Variants in PCM1 observed in about 807,000 individuals in gnomAD.
The protein encoded by PCM1 is pericentriolar material 1.
PCM1 carries 157 observed loss-of-function variants against 241.9 expected under a neutral mutation model. The observed-to-expected ratio is 0.65, with a 90% CI of 0.57 to 0.74. The LOEUF is 0.74. PCM1 is among the 30% of genes least tolerant of loss of function. The pLI is 0.00. For missense variants in PCM1, 3,478 were observed against 2,360.1 expected, an observed-to-expected ratio of 1.47 and a Z score of -9.81; for synonymous variants, 1,085 against 784.9, an observed-to-expected ratio of 1.38 and a Z score of -6.39.
intron 23 of PCM1, among the ~76,000 whole-genome samples, chr8:17,977,231 G>T (rs2079087097): frequency 6.6e-6 from 1 of 151,744 alleles, no homozygotes; most frequent in Non-Finnish European, 1.5e-5. Context: ...TTTATTGCTG[G>T]TTTTATATTA....
intron 16 of PCM1, 163 bp downstream of exon 16, chr8:17,962,337 A>G (rs2072701099): frequency 2.8e-6 from 1 of 354,534 alleles, no homozygotes; most frequent in East Asian, 4.3e-5. Flanking sequence ...AATGTAATAG[A>G]TTATAATAAT....
At chr8:17,959,904 T>C in intron 13 of PCM1, 110 bp from the exon 14 acceptor site, 2 of 1,026,516 alleles carry the variant, frequency 1.9e-6, no homozygotes, top group Non-Finnish European at 2.8e-6. Context: ...CTTTCTTTAC[T>C]GCTTTAATCT....
At position 18,025,427 on chromosome 8, in the gene PCM1, C is replaced by G. The variant is rs768681019; in HGVS notation, c.5908C>G (p.Pro1970Ala). Residue 1970 changes from proline (P) to alanine (A), a missense_variant, in exon 37 of 39, where the codon CCA (proline) becomes GCA (alanine). Coordinates refer to ENST00000325083, the MANE Select transcript of PCM1 (RefSeq NM_006197.4). The part of the protein sequence containing the change: ...EEDFVKVEDL[P>A]LKLTIYSEAD... ...AGATTTTGTAAAAGTTGAAGATTTACCACTGAAACTGACAATATATTCAGA... is the reference window on the plus strand; with the variant it reads ...AGATTTTGTAAAAGTTGAAGATTTAGCACTGAAACTGACAATATATTCAGA... The G allele has an allele frequency of 6.3e-7, 1 of 1,598,524 alleles. No individual in the cohort carries two copies. Among genetic ancestry groups the G allele is most frequent in the Non-Finnish European group, 8.6e-7 (1 of 1,168,636 alleles).
intron 21 of PCM1, 112 bp downstream of exon 21, chr8:17,967,282 GT>G: frequency 1.5e-6 from 1 of 664,190 alleles, no homozygotes; most frequent in Non-Finnish European, 2.4e-6. Context: ...GGTAGGAAAT[GT>G]TTGCAAAGAA....
intron 6 of PCM1, among the ~76,000 whole-genome samples, chr8:17,941,961 C>T (rs1264949988): frequency 6.6e-6 from 1 of 152,084 alleles, no homozygotes; most frequent in African/African-American, 2.4e-5. Flanking sequence ...ATATAGTTGT[C>T]ATACTGTAAT....
At chr8:17,946,897 C>CT (rs1011261408) in intron 6 of PCM1, among the ~76,000 whole-genome samples, 1 of 148,140 alleles carries the variant, frequency 6.8e-6, no homozygotes, top group Non-Finnish European at 1.5e-5. Context: ...CCCTCTTGGC[C>CT]TTTTATGTTT....
At chr8:17,929,234 C>T (rs2058188116) in intron 2 of PCM1, among the ~76,000 whole-genome samples, 1 of 152,162 alleles carries the variant, frequency 6.6e-6, no homozygotes, top group Non-Finnish European at 1.5e-5. Context: ...TTTCTTATCA[C>T]ATTCTACTTG....
chr8:17,934,230 G>C (rs1366484966), intron 2 of PCM1, among the ~76,000 whole-genome samples: 1 of 151,074 alleles, frequency 6.6e-6, no homozygotes, highest in Non-Finnish European at 1.5e-5. Flanking sequence ...AAAGCAACTT[G>C]GATTTTTATC....
At chr8:17,964,237 G>A (rs952582154) in intron 17 of PCM1, among the ~76,000 whole-genome samples, 5 of 152,182 alleles carry the variant, frequency 3.3e-5, no homozygotes, top group Admixed American at 2.0e-4. Flanking sequence ...GATGATTGCC[G>A]TAATTATAGA....
intron 28 of PCM1, 92 bp from the exon 29 acceptor site, chr8:17,993,391 C>T (rs938608532): frequency 1.3e-5 from 11 of 843,554 alleles, no homozygotes; most frequent in Non-Finnish European, 1.7e-5. Flanking sequence ...ATAAAATCAT[C>T]AAATTTAATA....
intron 2 of PCM1, among the ~76,000 whole-genome samples, chr8:17,929,651 T>G (rs1264037624): frequency 6.6e-6 from 1 of 152,198 alleles, no homozygotes; most frequent in Non-Finnish European, 1.5e-5. Context: ...CTACTATCCT[T>G]TAACTCTTCT....
chr8:18,022,982 G>C (rs1449785375), intron 36 of PCM1, among the ~76,000 whole-genome samples: 5 of 152,098 alleles, frequency 3.3e-5, no homozygotes, highest in Non-Finnish European at 7.3e-5. Flanking sequence ...GTAATACATA[G>C]AAGTGTTTTT....
chr8:17,933,756 TTTCTC>T (rs2059677880), intron 2 of PCM1, among the ~76,000 whole-genome samples: 2 of 152,178 alleles, frequency 1.3e-5, no homozygotes, highest in African/African-American at 2.4e-5. Context: ...AATACCACCT[TTTCTC>T]TTTTCAGTGG....
At chr8:18,010,753 C>T (rs576815689) in intron 32 of PCM1, 85 bp downstream of exon 32, 72 of 870,866 alleles carry the variant, frequency 8.3e-5, no homozygotes, top group South Asian at 3.0e-4. Flanking sequence ...GAGGCCAAGG[C>T]GGGTGGATCA....
chr8:18,020,481 T>C (rs1352772314), intron 36 of PCM1, among the ~76,000 whole-genome samples: 2 of 152,218 alleles, frequency 1.3e-5, no homozygotes, highest in African/African-American at 4.8e-5. Context: ...GATGTCAGTC[T>C]GCTTAACCCT....
At chr8:17,997,703 G>C (rs1465898454) in intron 29 of PCM1, among the ~76,000 whole-genome samples, 2 of 151,886 alleles carry the variant, frequency 1.3e-5, no homozygotes, top group African/African-American at 4.8e-5. Context: ...ATCTCAATCT[G>C]TTTATTAAAT....
Position 17,957,267 on chromosome 8 carries a change from T to C in PCM1, c.1650T>C (p.Asn550=). The change falls in exon 12 of 39, where the codon AAT becomes AAC. Residue 550 remains asparagine (N), a synonymous_variant. Transcript: ENST00000325083. The part of the protein sequence containing the change: ...ENSEPVTNIR[N]PQVASTWNEV... ...CAGGCTGTTTTCTTTCTTCTAGAAA[T>C]CCACAAGTAGCTTCCACTTGGAATG... 6.3e-7 allele frequency: 1 copy of C among 1,580,632 alleles called. No homozygotes were observed. Among genetic ancestry groups the C allele is most frequent in the Non-Finnish European group, 8.6e-7 (1 of 1,163,202 alleles).
chr8:17,966,518 T>C lies in PCM1; in HGVS notation c.3221+45T>C, dbSNP rs776287010. The C allele has an allele frequency of 3.2e-5, 50 of 1,563,684 alleles. No individual in the cohort carries two copies. The East Asian group carries it at 6.5e-4, about 20-fold the overall frequency. On this transcript the variant is annotated intron_variant, in intron 20 of 38. Coordinates refer to ENST00000325083, the MANE Select transcript of PCM1 (RefSeq NM_006197.4). ...TATTGAGACTGTATAAGAGCTAACA[T>C]TGAGCAGAGGTTTTACAGTTAGCTT...
Position 17,972,499 on chromosome 8 carries a change from A to C in PCM1, c.3755A>C (p.Gln1252Pro). ...TTAGATACAAACGGAAGAAGACGCC[A>C]GTTTGATGAAGAATCACTGGAAAGC... Reference protein sequence around the residue: ...NQLDTNGRRRQFDEESLESFS... With the variant: ...NQLDTNGRRRPFDEESLESFS... The change falls in exon 23 of 39, where the codon CAG becomes CCG. Residue 1252 changes from glutamine (Q) to proline (P), a missense_variant. By Grantham distance (76) the Gln-to-Pro change is moderately conservative. Transcript: ENST00000325083. The C allele has an allele frequency of 6.2e-7, 1 of 1,613,928 alleles. No individual in the cohort carries two copies. Among genetic ancestry groups the C allele is most frequent in the East Asian group, 2.2e-5 (1 of 44,866 alleles).
Sources: gnomAD v4.1 joint callset for allele counts (sites outside exome capture counted in the v4.1 genomes callset) on GRCh38, gnomAD v4.1.1 for gene constraint, MANE v1.5 for transcripts, NCBI Gene and HGNC (gene_info 2026-07-23, HGNC 2026-07-21) for gene names.